RCOR1: variants seen among roughly 807,000 people sequenced by gnomAD.
RCOR1 encodes REST corepressor 1, also known as REST corepressor.
RCOR1 carries 12 observed loss-of-function variants against 64.0 expected under a neutral mutation model. That is an observed-to-expected ratio of 0.19 (90% CI 0.12 to 0.30). The LOEUF is 0.30. RCOR1 is among the 10% of genes least tolerant of loss of function. The probability of loss-of-function intolerance (pLI) is 1.00; values close to 1 mark genes in which losing one functional copy is unlikely to be tolerated. For missense variants in RCOR1, 502 were observed against 621.2 expected (o/e 0.81, Z 2.04); for synonymous variants, 279 against 227.2 (o/e 1.23, Z -2.05).
Position 102,729,907 on chromosome 14 carries a change from A to G in RCOR1, c.*3401A>G, listed in dbSNP as rs1403757973. On this transcript the variant is annotated 3_prime_UTR_variant, in exon 12 of 12. Transcript: ENST00000262241. ...TCTAAACCGAATGATCCAGGATTCA[A>G]GCTTCTATTGTCAAGTGAAACTTTC... 3 of 399,088 alleles carry G rather than the reference A, an allele frequency of 7.5e-6. No homozygotes were observed. The highest frequency in any genetic ancestry group is 8.8e-5 in the Admixed American group (2 of 22,742). 24.7% of individuals were successfully genotyped at this position (399,088 alleles called of 1,614,324 possible).
At chr14:102,663,391 G>A (rs181777414) in intron 2 of RCOR1, among the ~76,000 whole-genome samples, 34 of 152,220 alleles carry the variant, frequency 2.2e-4, no homozygotes, top group African/African-American at 7.9e-4. Context: ...ATCCTGTTTT[G>A]CCAAACTTTT....
intron 2 of RCOR1, among the ~76,000 whole-genome samples, chr14:102,672,720 C>G (rs181600694): frequency 2.0e-5 from 3 of 152,286 alleles, no homozygotes; most frequent in Non-Finnish European, 4.4e-5. Flanking sequence ...TACTTCACAC[C>G]TGCTGGCTAG....
intron 2 of RCOR1, among the ~76,000 whole-genome samples, chr14:102,636,338 C>T (rs1226664011): frequency 6.6e-6 from 1 of 151,648 alleles, no homozygotes; most frequent in Non-Finnish European, 1.5e-5. Flanking sequence ...AGTGCAGTGG[C>T]GTGATCTTGG....
In RCOR1 at chr14:102,635,250, T is replaced by A. The variant is rs573900492; in HGVS notation, c.361+41925T>A. Among the ~76,000 whole-genome samples the A allele has an allele frequency of 9.5e-4, 145 of 152,310 alleles. 1 individual carries two copies. The highest frequency in any genetic ancestry group is 3.4e-3 in the African/African-American group (141 of 41,580). On this transcript the variant is annotated intron_variant, in intron 2 of 11. Coordinates refer to ENST00000262241, the MANE Select transcript of RCOR1 (RefSeq NM_015156.4). ...TGCACACGGCGGCTCATGCCTATAATCCCAGCACTTTGGGCGGCCCAGGCG... is the reference window on the plus strand; with the variant it reads ...TGCACACGGCGGCTCATGCCTATAAACCCAGCACTTTGGGCGGCCCAGGCG...
chr14:102,618,543 G>C (rs1263503770), intron 2 of RCOR1, among the ~76,000 whole-genome samples: 1 of 152,108 alleles, frequency 6.6e-6, no homozygotes, highest in Non-Finnish European at 1.5e-5. Context: ...AGGAATTTGA[G>C]GCTGCCATGA....
intron 2 of RCOR1, among the ~76,000 whole-genome samples, chr14:102,660,975 A>G (rs1018814154): frequency 6.6e-6 from 1 of 152,192 alleles, no homozygotes; most frequent in East Asian, 1.9e-4. Flanking sequence ...TCTTTTTCAA[A>G]GGGATAAAGC....
intron 2 of RCOR1, chr14:102,630,100 G>T (rs1894077679): frequency 1.7e-6 from 1 of 586,166 alleles, no homozygotes; most frequent in African/African-American, 2.0e-5. Flanking sequence ...TCCAGTGTTG[G>T]AGGTGGGCCC....
chr14:102,722,179 A>G lies in RCOR1; in HGVS notation c.1190-8A>G. The G allele has an allele frequency of 1.2e-6, 2 of 1,607,012 alleles. No homozygotes were observed. The highest frequency in any genetic ancestry group is 1.7e-6 in the Non-Finnish European group (2 of 1,173,942). Reference sequence around the variant, plus strand: ...TGTATTTTAAAAAATGCTTTCTTACATCCTTAGCCATCAGGAAATATGGCC... The same window carrying G: ...TGTATTTTAAAAAATGCTTTCTTACGTCCTTAGCCATCAGGAAATATGGCC... On this transcript the variant is annotated splice_region_variant and splice_polypyrimidine_tract_variant and intron_variant, in intron 10 of 11. Coordinates refer to ENST00000262241, the MANE Select transcript of RCOR1 (RefSeq NM_015156.4).
intron 2 of RCOR1, among the ~76,000 whole-genome samples, chr14:102,676,765 T>C (rs1432774290): frequency 1.3e-5 from 1 of 76,576 alleles, no homozygotes; most frequent in Non-Finnish European, 2.5e-5. Flanking sequence ...ACGGGGCGGC[T>C]GGCCGGGCAG....
chr14:102,719,665 T>C (rs1595245556), intron 8 of RCOR1, among the ~76,000 whole-genome samples: 1 of 152,126 alleles, frequency 6.6e-6, no homozygotes, highest in Non-Finnish European at 1.5e-5. Flanking sequence ...GGAAGAGGGG[T>C]ATAGGCTACT....
At chr14:102,665,598 C>T (rs1894903233) in intron 2 of RCOR1, among the ~76,000 whole-genome samples, 1 of 152,124 alleles carries the variant, frequency 6.6e-6, no homozygotes, top group Non-Finnish European at 1.5e-5. Context: ...TTATCCTCTC[C>T]ATTTTTCTTT....
intron 2 of RCOR1, chr14:102,657,949 T>C: frequency 1.0e-6 from 1 of 975,994 alleles, no homozygotes; most frequent in Non-Finnish European, 1.2e-6. Flanking sequence ...TTATGAGGGG[T>C]GTTCTTTTTA....
At chr14:102,717,917 C>A (rs1469013374) in intron 8 of RCOR1, among the ~76,000 whole-genome samples, 1 of 152,086 alleles carries the variant, frequency 6.6e-6, no homozygotes, top group African/African-American at 2.4e-5. Context: ...CACAGTGCAG[C>A]AGTGTGTTCA....
chr14:102,684,388 A>G (rs1468678317), intron 3 of RCOR1, among the ~76,000 whole-genome samples: 1 of 152,212 alleles, frequency 6.6e-6, no homozygotes, highest in Non-Finnish European at 1.5e-5. Flanking sequence ...CATGAGACCT[A>G]GGGGTTTTCC....
In RCOR1 at chr14:102,729,772, A is replaced by G. The variant is rs1007602430; in HGVS notation, c.*3266A>G. 1.3e-5 allele frequency: 5 copies of G among 398,802 alleles called. No individual in the cohort carries two copies. Among genetic ancestry groups the G allele is most frequent in the Non-Finnish European group, 2.2e-5 (5 of 226,056 alleles). 24.7% of individuals were successfully genotyped at this position (398,802 alleles called of 1,614,324 possible). A position where few individuals can be genotyped will look rare whatever the true frequency, so the allele number is the denominator to read the frequency against. On this transcript the variant is annotated 3_prime_UTR_variant, in exon 12 of 12. Transcript: ENST00000262241. Reference sequence around the variant, plus strand: ...ACTATTGGTATAATTGCACACCAAAAATAAGCCAAACAGTGCATTACGCTA... The same window carrying G: ...ACTATTGGTATAATTGCACACCAAAGATAAGCCAAACAGTGCATTACGCTA...
chr14:102,707,615 A>G (rs1024909652), intron 5 of RCOR1, 103 bp downstream of exon 5: 3 of 1,017,720 alleles, frequency 2.9e-6, no homozygotes, highest in Non-Finnish European at 2.9e-6. Flanking sequence ...AAATATTCCC[A>G]TTTTTGATAA....
In RCOR1 at chr14:102,710,931, C is replaced by A; in HGVS notation, c.780-4C>A. ...TCATTCAGTAACTTGTTCTTGTCTTCCAGCGAGGATGAACTGGAAGAGGCA... is the reference window on the plus strand; with the variant it reads ...TCATTCAGTAACTTGTTCTTGTCTTACAGCGAGGATGAACTGGAAGAGGCA... On this transcript the variant is annotated splice_polypyrimidine_tract_variant and splice_region_variant and intron_variant, in intron 6 of 11. Transcript: ENST00000262241. 1 of 1,593,530 alleles carries A rather than the reference C, an allele frequency of 6.3e-7. No individual in the cohort carries two copies. The highest frequency in any genetic ancestry group is 8.5e-7 in the Non-Finnish European group (1 of 1,170,816).
At chr14:102,615,067 G>A (rs1228325371) in intron 2 of RCOR1, among the ~76,000 whole-genome samples, 2 of 151,646 alleles carry the variant, frequency 1.3e-5, no homozygotes, top group South Asian at 2.1e-4. Context: ...TCTTGACCTC[G>A]TGATGTGCCC....
In RCOR1 at chr14:102,730,537, T is replaced by C. The variant is rs924511675; in HGVS notation, c.*4031T>C. ...AATATTTGCTGAGGTTAAATAAAAA[T>C]TTTCAAGCCATTGATGTAATAAAAT... On this transcript the variant is annotated 3_prime_UTR_variant, in exon 12 of 12. Coordinates refer to ENST00000262241, the MANE Select transcript of RCOR1 (RefSeq NM_015156.4). 1 of 152,688 alleles carries C rather than the reference T, an allele frequency of 6.5e-6. No homozygotes were observed. The highest frequency in any genetic ancestry group is 1.5e-5 in the Non-Finnish European group (1 of 68,072). 9.5% of individuals were successfully genotyped at this position (152,688 alleles called of 1,614,324 possible). A position where few individuals can be genotyped will look rare whatever the true frequency, so the allele number is the denominator to read the frequency against.
Sources: allele counts gnomAD v4.1 joint callset (sites outside exome capture counted in the v4.1 genomes callset), GRCh38; gene constraint gnomAD v4.1.1; transcripts MANE v1.5; gene names NCBI Gene and HGNC (gene_info 2026-07-23, HGNC 2026-07-21).